The following HS6ST3 variants were observed in gnomAD, a reference collection of about 807,000 sequenced individuals.
HS6ST3 encodes heparan sulfate 6-O-sulfotransferase 3, also known as heparan-sulfate 6-O-sulfotransferase 3.
HS6ST3 carries 12 observed loss-of-function variants against 36.7 expected under a neutral mutation model. That is an observed-to-expected ratio of 0.33 (90% CI 0.21 to 0.53). HS6ST3 has a LOEUF of 0.53. HS6ST3 is among the 20% of genes least tolerant of loss of function. The pLI is 0.95. For missense variants in HS6ST3, 584 were observed against 640.9 expected (o/e 0.91, Z 0.96); for synonymous variants, 240 against 257.5 (o/e 0.93, Z 0.65).
chr13:96,506,951 C>T (rs893092046), intron 1 of HS6ST3, among the ~76,000 whole-genome samples: 2 of 152,070 alleles, frequency 1.3e-5, no homozygotes, highest in Admixed American at 6.6e-5. Context: ...TTTCCACACC[C>T]GTGGGTATGG....
At chr13:96,245,744 G>A (rs749609292) in intron 1 of HS6ST3, among the ~76,000 whole-genome samples, 1 of 152,140 alleles carries the variant, frequency 6.6e-6, no homozygotes, top group East Asian at 1.9e-4. Context: ...AGGCTAAGAG[G>A]CAGCATATTT....
intron 1 of HS6ST3, among the ~76,000 whole-genome samples, chr13:96,442,518 C>A (rs2055676646): frequency 6.6e-6 from 1 of 151,992 alleles, no homozygotes; most frequent in Non-Finnish European, 1.5e-5. Flanking sequence ...ATCAGGAAAC[C>A]AGAATAAAGT....
intron 1 of HS6ST3, among the ~76,000 whole-genome samples, chr13:96,751,643 C>T (rs1435548671): frequency 6.6e-6 from 1 of 151,914 alleles, no homozygotes; most frequent in Non-Finnish European, 1.5e-5. Flanking sequence ...GCCTGGACTC[C>T]TAATGTGTTC....
chr13:96,399,741 T>C (rs1449456048), intron 1 of HS6ST3, among the ~76,000 whole-genome samples: 2 of 152,230 alleles, frequency 1.3e-5, no homozygotes, highest in African/African-American at 4.8e-5. Flanking sequence ...TCATGCTGTC[T>C]CTCTTCTTAC....
intron 1 of HS6ST3, among the ~76,000 whole-genome samples, chr13:96,135,592 C>T (rs1026860669): frequency 2.0e-5 from 3 of 152,072 alleles, no homozygotes; most frequent in African/African-American, 7.2e-5. Context: ...TACAGGGATC[C>T]AAGTTTTTCT....
chr13:96,761,583 C>T (rs1175201835), intron 1 of HS6ST3, among the ~76,000 whole-genome samples: 4 of 151,954 alleles, frequency 2.6e-5, no homozygotes, highest in African/African-American at 9.7e-5. Context: ...GGTGTGTGCC[C>T]TTCCCAATCT....
intron 1 of HS6ST3, among the ~76,000 whole-genome samples, chr13:96,774,904 A>C (rs983064679): frequency 6.6e-6 from 1 of 152,198 alleles, no homozygotes; most frequent in Non-Finnish European, 1.5e-5. Context: ...GTTGAAATGC[A>C]GGAAAAAATG....
chr13:96,700,364 C>A (rs1333429570), intron 1 of HS6ST3, among the ~76,000 whole-genome samples: 1 of 152,088 alleles, frequency 6.6e-6, no homozygotes, highest in Non-Finnish European at 1.5e-5. Context: ...CCCCCATGAT[C>A]CAATTATCTC....
At chr13:96,179,039 G>A (rs1330585248) in intron 1 of HS6ST3, among the ~76,000 whole-genome samples, 2 of 152,156 alleles carry the variant, frequency 1.3e-5, no homozygotes, top group Admixed American at 6.5e-5. Context: ...AAGTAATCGG[G>A]AACCAGGTTG....
chr13:96,809,651 C>T (rs1336318014), intron 1 of HS6ST3, among the ~76,000 whole-genome samples: 8 of 152,192 alleles, frequency 5.3e-5, no homozygotes, highest in African/African-American at 1.4e-4. Flanking sequence ...CTCCCAGACT[C>T]GGCCATGAGC....
chr13:96,434,668 T>TC (rs914390196), intron 1 of HS6ST3, among the ~76,000 whole-genome samples: 4 of 151,992 alleles, frequency 2.6e-5, no homozygotes, highest in African/African-American at 9.7e-5. Flanking sequence ...CAGGCTTCTC[T>TC]CCCCAAGCTG....
At chr13:96,582,824 A>G (rs187860422) in intron 1 of HS6ST3, among the ~76,000 whole-genome samples, 383 of 152,288 alleles carry the variant, frequency 2.5e-3, no homozygotes, top group Admixed American at 7.7e-3. Flanking sequence ...ATGCATGCAT[A>G]GTGTTGCCAG....
chr13:96,139,290 C>T (rs542729750), intron 1 of HS6ST3, among the ~76,000 whole-genome samples: 2 of 152,008 alleles, frequency 1.3e-5, no homozygotes, highest in African/African-American at 4.8e-5. Context: ...GCTTAGCCTT[C>T]TGGAACTGAA....
chr13:96,652,347 C>T (rs571268909), intron 1 of HS6ST3, among the ~76,000 whole-genome samples: 2 of 151,954 alleles, frequency 1.3e-5, no homozygotes, highest in African/African-American at 4.8e-5. Flanking sequence ...CCTTTCCTCT[C>T]CCCATTTTTC....
At position 96,589,405 on chromosome 13, in the gene HS6ST3, A is replaced by G. The variant is rs182950973; in HGVS notation, c.708-243085A>G. Among the ~76,000 whole-genome samples, 278 of 151,666 alleles carry G rather than the reference A, an allele frequency of 1.8e-3. 1 individual carries two copies. The highest frequency in any genetic ancestry group is 6.6e-3 in the African/African-American group (272 of 41,388). On this transcript the variant is annotated intron_variant, in intron 1 of 1. Transcript: ENST00000376705. ...AGTAATGTCTCCTTTTTAATTTCCA[A>G]TTTATTTGGGTTTTCTTTCTGTTGT...
At chr13:96,356,578 C>T (rs949824199) in intron 1 of HS6ST3, among the ~76,000 whole-genome samples, 2 of 152,136 alleles carry the variant, frequency 1.3e-5, no homozygotes, top group Admixed American at 6.6e-5. Flanking sequence ...ATGAATCATT[C>T]TTTCTTAGCA....
chr13:96,402,616 A>G (rs1009065009), intron 1 of HS6ST3, among the ~76,000 whole-genome samples: 2 of 152,240 alleles, frequency 1.3e-5, no homozygotes, highest in African/African-American at 4.8e-5. Context: ...TCTTATTTAT[A>G]TCACCAAAGA....
At chr13:96,812,071 G>A (rs1482439245) in intron 1 of HS6ST3, among the ~76,000 whole-genome samples, 1 of 152,044 alleles carries the variant, frequency 6.6e-6, no homozygotes, top group Non-Finnish European at 1.5e-5. Flanking sequence ...CTTTGACTCT[G>A]ACATTCTGAG....
chr13:96,620,823 T>C (rs1594820240), intron 1 of HS6ST3, among the ~76,000 whole-genome samples: 5 of 150,374 alleles, frequency 3.3e-5, no homozygotes, highest in Admixed American at 2.0e-4. Context: ...CCTTGTTATG[T>C]CTGAGTTCAG....
Sources: allele counts gnomAD v4.1 joint callset (sites outside exome capture counted in the v4.1 genomes callset), GRCh38; gene constraint gnomAD v4.1.1; transcripts MANE v1.5; gene names NCBI Gene and HGNC (gene_info 2026-07-23, HGNC 2026-07-21).